RNF13: variants seen among roughly 807,000 people sequenced by gnomAD.
The protein encoded by RNF13 is E3 ubiquitin-protein ligase RNF13.
In RNF13, 19 loss-of-function variants were observed where a neutral mutation model predicts 37.7. That is an observed-to-expected ratio of 0.50 (90% confidence interval 0.35 to 0.74). RNF13 has a LOEUF of 0.74. Among genes scored for constraint, RNF13 ranks in the 30% least tolerant of loss-of-function variants. The probability of loss-of-function intolerance (pLI) is 0.01; values close to 1 mark genes in which losing one functional copy is unlikely to be tolerated. For missense variants in RNF13, 375 were observed against 453.0 expected (o/e 0.83, Z 1.56); for synonymous variants, 144 against 157.8 (o/e 0.91, Z 0.65).
intron 3 of RNF13, among the ~76,000 whole-genome samples, chr3:149,863,339 T>C (rs1467875263): frequency 6.6e-6 from 1 of 152,188 alleles, no homozygotes; most frequent in Non-Finnish European, 1.5e-5. Flanking sequence ...GAAAACAGTA[T>C]GTTTTATGTT....
At chr3:149,959,073 C>T (rs974074001) in intron 8 of RNF13, among the ~76,000 whole-genome samples, 1 of 152,144 alleles carries the variant, frequency 6.6e-6, no homozygotes, top group Non-Finnish European at 1.5e-5. Context: ...GTTGTTACCC[C>T]GTGTGGGATA....
chr3:149,818,090 C>T (rs1175769254), intron 1 of RNF13, among the ~76,000 whole-genome samples: 1 of 152,166 alleles, frequency 6.6e-6, no homozygotes, highest in Non-Finnish European at 1.5e-5. Context: ...TGTTGTTGAG[C>T]ATGAGAAGAA....
intron 8 of RNF13, among the ~76,000 whole-genome samples, chr3:149,946,785 C>CT (rs1461675457): frequency 6.6e-6 from 1 of 152,008 alleles, no homozygotes; most frequent in Non-Finnish European, 1.5e-5. Flanking sequence ...TTTTTTCTAT[C>CT]TTTTTTCCTG....
intron 1 of RNF13, among the ~76,000 whole-genome samples, chr3:149,818,102 GTTTAC>G (rs1480833932): frequency 6.6e-6 from 1 of 152,140 alleles, no homozygotes; most frequent in Non-Finnish European, 1.5e-5. Context: ...TGAGAAGAAG[GTTTAC>G]TTTTCTTGTC....
chr3:149,890,478 A>G (rs920067147), intron 4 of RNF13, among the ~76,000 whole-genome samples: 5 of 152,208 alleles, frequency 3.3e-5, no homozygotes, highest in Non-Finnish European at 7.3e-5. Context: ...TGTGCCAGGT[A>G]ATGTTTAAGC....
chr3:149,908,068 C>T (rs1716614584), intron 6 of RNF13, among the ~76,000 whole-genome samples: 1 of 152,146 alleles, frequency 6.6e-6, no homozygotes, highest in Non-Finnish European at 1.5e-5. Flanking sequence ...TGAGTTGGTC[C>T]GATTAGCATT....
intron 1 of RNF13, among the ~76,000 whole-genome samples, chr3:149,827,581 A>G (rs971512150): frequency 2.6e-5 from 4 of 152,178 alleles, no homozygotes; most frequent in Non-Finnish European, 5.9e-5. Flanking sequence ...CATCCATAAA[A>G]TAAAGATTCC....
intron 4 of RNF13, among the ~76,000 whole-genome samples, chr3:149,878,086 A>G (rs1394192763): frequency 6.6e-6 from 1 of 152,222 alleles, no homozygotes; most frequent in African/African-American, 2.4e-5. Context: ...CTAATGAAGC[A>G]GTGTAATGCC....
intron 4 of RNF13, among the ~76,000 whole-genome samples, chr3:149,873,527 T>A (rs566942554): frequency 6.6e-5 from 10 of 152,262 alleles, no homozygotes; most frequent in Non-Finnish European, 1.5e-4. Flanking sequence ...TTTCACTGCT[T>A]GCCTTGAATT....
chr3:149,837,465 T>C (rs1483795227), intron 1 of RNF13, among the ~76,000 whole-genome samples: 2 of 152,156 alleles, frequency 1.3e-5, no homozygotes, highest in African/African-American at 4.8e-5. Flanking sequence ...CACCTGAGAC[T>C]GGGCAATTTT....
intron 7 of RNF13, among the ~76,000 whole-genome samples, chr3:149,914,709 C>T (rs976767451): frequency 3.3e-5 from 5 of 151,790 alleles, no homozygotes; most frequent in Admixed American, 6.6e-5. Flanking sequence ...CCAAGGCGGG[C>T]GGATCACCTG....
chr3:149,956,494 T>G (rs1209881263), intron 8 of RNF13, among the ~76,000 whole-genome samples: 1 of 152,198 alleles, frequency 6.6e-6, no homozygotes, highest in Non-Finnish European at 1.5e-5. Context: ...CCAATACTTT[T>G]CTGTATCTGA....
At chr3:149,885,870 AAATTT>A (rs1713968907) in intron 4 of RNF13, among the ~76,000 whole-genome samples, 2 of 152,260 alleles carry the variant, frequency 1.3e-5, no homozygotes, top group South Asian at 4.1e-4. Flanking sequence ...TTGAGATGTT[AAATTT>A]AAGTATTTCA....
chr3:149,916,619 G>A (rs1368365772), intron 7 of RNF13, among the ~76,000 whole-genome samples: 1 of 152,010 alleles, frequency 6.6e-6, no homozygotes, highest in East Asian at 1.9e-4. Flanking sequence ...TTGTCTGGTT[G>A]TATGTCTGGT....
At chr3:149,938,642 T>G (rs932874641) in intron 8 of RNF13, among the ~76,000 whole-genome samples, 98 of 152,258 alleles carry the variant, frequency 6.4e-4, no homozygotes, top group African/African-American at 2.3e-3. Context: ...GTCAATCTCT[T>G]TACTTTTAAT....
At chr3:149,875,640 A>G (rs1488810608) in intron 4 of RNF13, among the ~76,000 whole-genome samples, 1 of 152,202 alleles carries the variant, frequency 6.6e-6, no homozygotes, top group Non-Finnish European at 1.5e-5. Flanking sequence ...TTCTGTTGAG[A>G]GAAGCACATA....
At chr3:149,861,439 T>G (rs1724246422) in intron 3 of RNF13, among the ~76,000 whole-genome samples, 1 of 152,190 alleles carries the variant, frequency 6.6e-6, no homozygotes, top group Non-Finnish European at 1.5e-5. Context: ...TAATACTATT[T>G]GGCTGTAAAA....
At chr3:149,878,770 A>T (rs963042069) in intron 4 of RNF13, among the ~76,000 whole-genome samples, 1 of 151,984 alleles carries the variant, frequency 6.6e-6, no homozygotes, top group African/African-American at 2.4e-5. Flanking sequence ...AATTTATTTC[A>T]TTTTCTTCCC....
intron 4 of RNF13, among the ~76,000 whole-genome samples, chr3:149,879,563 C>G (rs982820587): frequency 1.3e-5 from 2 of 152,068 alleles, no homozygotes; most frequent in African/African-American, 4.8e-5. Context: ...TTACCTTGGC[C>G]TTCCAAAGTG....
Sources: gnomAD v4.1 joint callset for allele counts (sites outside exome capture counted in the v4.1 genomes callset) on GRCh38, gnomAD v4.1.1 for gene constraint, MANE v1.5 for transcripts, NCBI Gene and HGNC (gene_info 2026-07-23, HGNC 2026-07-21) for gene names.